Variants in SLCO6A1 observed in about 807,000 individuals in gnomAD.
SLCO6A1 encodes the protein solute carrier organic anion transporter family member 6A1.
A neutral mutation model predicts 72.7 loss-of-function variants in SLCO6A1; 65 were observed. That is an observed-to-expected ratio of 0.89 (90% CI 0.73 to 1.10). SLCO6A1 has a LOEUF of 1.10. SLCO6A1 is among the 50% of genes least tolerant of loss of function. The pLI is 0.00. For synonymous variants in SLCO6A1, 314 were observed against 298.2 expected (o/e 1.05, Z -0.55); for missense variants, 874 against 872.6 (o/e 1.00, Z -0.02).
rs535648233 is a variant in SLCO6A1, at chr5:102,488,375, T to A, written c.359-7941A>T. Among the ~76,000 whole-genome samples, 3 of 152,316 alleles carry A rather than the reference T, an allele frequency of 2.0e-5. No homozygotes were observed. In the South Asian group the frequency reaches 6.2e-4, roughly 32 times the overall value. ...CAATTCTCCTCGATTTATCAAATGT[T>A]AATGTTTTGTTATATTTTTCACGAG... On this transcript the variant is annotated intron_variant, in intron 1 of 13. Coordinates refer to ENST00000506729, the MANE Select transcript of SLCO6A1 (RefSeq NM_173488.5).
At chr5:102,475,863 C>T (rs1383577073) in intron 3 of SLCO6A1, 70 bp from the exon 4 acceptor site, 17 of 1,201,216 alleles carry the variant, frequency 1.4e-5, no homozygotes. Context: ...TAAAAATTGA[C>T]TGAAATTGAT....
intron 6 of SLCO6A1, among the ~76,000 whole-genome samples, chr5:102,447,048 G>A (rs909826880): frequency 5.9e-5 from 9 of 152,182 alleles, no homozygotes; most frequent in Admixed American, 2.0e-4. Flanking sequence ...CACCACGCCC[G>A]GCCCTGTTCA....
At chr5:102,452,359 T>G (rs545173978) in intron 6 of SLCO6A1, among the ~76,000 whole-genome samples, 1 of 152,136 alleles carries the variant, frequency 6.6e-6, no homozygotes, top group Admixed American at 6.5e-5. Flanking sequence ...CCAAACTTTA[T>G]GTTTTTATTC....
At chr5:102,407,279 T>C (rs1480438260) in intron 9 of SLCO6A1, among the ~76,000 whole-genome samples, 3 of 152,152 alleles carry the variant, frequency 2.0e-5, no homozygotes, top group Non-Finnish European at 4.4e-5. Flanking sequence ...TTCTGCATAA[T>C]CTGTCCCTTA....
Position 102,419,843 on chromosome 5 carries a change from G to T in SLCO6A1, c.1455C>A (p.Ile485=), listed in dbSNP as rs1414003762. ...VRCNPVQFAG[I]NEDYDGTGKL... Reference sequence around the variant, plus strand: ...ACATTTACCCATCATAATCTTCATTGATCCCAGCAAATTGCACTGGATTAC... The same window carrying T: ...ACATTTACCCATCATAATCTTCATTTATCCCAGCAAATTGCACTGGATTAC... Residue 485 remains isoleucine, a synonymous_variant, in exon 8 of 14, where the codon ATC becomes ATA. Transcript: ENST00000506729. 3 of 1,597,792 alleles carry T rather than the reference G, an allele frequency of 1.9e-6. No individual in the cohort carries two copies. The highest frequency in any genetic ancestry group is 2.3e-5 in the South Asian group (2 of 86,880).
intron 1 of SLCO6A1, among the ~76,000 whole-genome samples, chr5:102,485,452 A>G (rs754627788): frequency 2.0e-5 from 3 of 152,144 alleles, no homozygotes; most frequent in Non-Finnish European, 4.4e-5. Context: ...TATGCTAACA[A>G]TGTGATTTAT....
chr5:102,430,089 AT>A (rs1414376531), intron 7 of SLCO6A1, among the ~76,000 whole-genome samples: 5 of 152,070 alleles, frequency 3.3e-5, no homozygotes, highest in Non-Finnish European at 5.9e-5. Flanking sequence ...TGCATTTCTA[AT>A]TTGGCTCTCA....
intron 10 of SLCO6A1, among the ~76,000 whole-genome samples, chr5:102,396,197 C>A (rs1281232313): frequency 6.6e-6 from 1 of 152,024 alleles, no homozygotes; most frequent in African/African-American, 2.4e-5. Flanking sequence ...AGTGTTTAAT[C>A]TATCTTGAAT....
chr5:102,471,182 G>C (rs7356787), intron 4 of SLCO6A1, among the ~76,000 whole-genome samples: 1 of 151,860 alleles, frequency 6.6e-6, no homozygotes, highest in Non-Finnish European at 1.5e-5. Flanking sequence ...CATACTGTTC[G>C]ACTGACTTGA....
At chr5:102,469,570 G>GCTTAA (rs1191832933) in intron 4 of SLCO6A1, among the ~76,000 whole-genome samples, 2 of 152,100 alleles carry the variant, frequency 1.3e-5, no homozygotes, top group Non-Finnish European at 2.9e-5. Flanking sequence ...TGAGACGACG[G>GCTTAA]GGTTTTCTGA....
At chr5:102,466,215 CTATCTATG>C (rs931623966) in intron 4 of SLCO6A1, among the ~76,000 whole-genome samples, 4 of 151,886 alleles carry the variant, frequency 2.6e-5, no homozygotes, top group Non-Finnish European at 5.9e-5. Flanking sequence ...GCTATTTTTC[CTATCTATG>C]TATCTATGTG....
chr5:102,473,253 C>T (rs926710800), intron 4 of SLCO6A1, among the ~76,000 whole-genome samples: 3 of 151,878 alleles, frequency 2.0e-5, no homozygotes, highest in Non-Finnish European at 2.9e-5. Flanking sequence ...AATGTAACAA[C>T]ATATTAAAGG....
chr5:102,478,936 A>T (rs1397742667), intron 2 of SLCO6A1, among the ~76,000 whole-genome samples: 1 of 152,198 alleles, frequency 6.6e-6, no homozygotes, highest in Non-Finnish European at 1.5e-5. Flanking sequence ...TTTTATACAG[A>T]CATATTAACT....
chr5:102,485,581 A>T (rs1048852026), intron 1 of SLCO6A1, among the ~76,000 whole-genome samples: 2 of 152,218 alleles, frequency 1.3e-5, no homozygotes, highest in African/African-American at 4.8e-5. Context: ...AGGCTCACGT[A>T]AGCTTCCCTG....
At chr5:102,413,218 G>T in intron 8 of SLCO6A1, 75 bp from the exon 9 acceptor site, 1 of 1,366,348 alleles carries the variant, frequency 7.3e-7, no homozygotes, top group Non-Finnish European at 9.9e-7. Context: ...AGATATCAGT[G>T]AGATCCATAA....
rs774476039 is a variant in SLCO6A1 at position 102,498,773 on chromosome 5, G to A, written c.72C>T (p.Ala24=). The part of the protein sequence containing the change: ...EVSRGVEPLE[A]ARAQPAKDRR... ...TGTCCTTAGCAGGCTGGGCCCGCGCGGCCTCCAGCGGCTCTACTCCCCTTG... is the reference window on the plus strand; with the variant it reads ...TGTCCTTAGCAGGCTGGGCCCGCGCAGCCTCCAGCGGCTCTACTCCCCTTG... Residue 24 remains alanine (A), a synonymous_variant, in exon 1 of 14, where the codon GCC becomes GCT. Transcript: ENST00000506729. 7 of 1,613,958 alleles carry A rather than the reference G, an allele frequency of 4.3e-6. No individual in the cohort carries two copies. Among genetic ancestry groups the A allele is most frequent in the African/African-American group, 1.3e-5 (1 of 74,926 alleles).
chr5:102,497,164 G>A (rs937438470), intron 1 of SLCO6A1, among the ~76,000 whole-genome samples: 2 of 152,284 alleles, frequency 1.3e-5, no homozygotes, highest in Middle Eastern at 3.4e-3. Context: ...AATAGGGGAG[G>A]TGAGAGCTGT....
chr5:102,473,262 G>A (rs994464341), intron 4 of SLCO6A1, among the ~76,000 whole-genome samples: 5 of 151,882 alleles, frequency 3.3e-5, no homozygotes, highest in Non-Finnish European at 5.9e-5. Flanking sequence ...ACATATTAAA[G>A]GGAATATACA....
intron 1 of SLCO6A1, among the ~76,000 whole-genome samples, chr5:102,487,549 A>C (rs1216616322): frequency 1.3e-5 from 2 of 152,310 alleles, no homozygotes; most frequent in East Asian, 3.9e-4. Flanking sequence ...AGTAAAGCTA[A>C]TCTATTATGT....
Sources: gnomAD v4.1 joint callset for allele counts (sites outside exome capture counted in the v4.1 genomes callset) on GRCh38, gnomAD v4.1.1 for gene constraint, MANE v1.5 for transcripts, NCBI Gene and HGNC (gene_info 2026-07-23, HGNC 2026-07-21) for gene names.